PDPN: variants seen among roughly 807,000 people sequenced by gnomAD.
PDPN encodes the protein podoplanin, also known as PA2.26 antigen.
A neutral mutation model predicts 23.2 loss-of-function variants in PDPN; 12 were observed. That is an observed-to-expected ratio of 0.52 (90% CI 0.33 to 0.84). PDPN has a LOEUF of 0.84. Among genes scored for constraint, PDPN ranks in the 40% least tolerant of loss-of-function variants. The pLI is 0.02. For synonymous variants in PDPN, 77 were observed against 76.7 expected, an observed-to-expected ratio of 1.00 and a Z score of -0.02; for missense variants, 199 against 212.2, an observed-to-expected ratio of 0.94 and a Z score of 0.39.
intron 1 of PDPN, among the ~76,000 whole-genome samples, chr1:13,585,249 G>A (rs1640144085): frequency 6.6e-6 from 1 of 152,144 alleles, no homozygotes. Context: ...TGCAGGAGGG[G>A]TGCGCCTAAC....
chr1:13,595,622 A>G (rs12566684), intron 1 of PDPN, among the ~76,000 whole-genome samples: 9,427 of 152,204 alleles, frequency 0.062, 388 homozygotes, highest in East Asian at 0.23. Flanking sequence ...TTTCTCTTAC[A>G]TTTTACAGAA....
chr1:13,603,953 G>T (rs974557785), intron 1 of PDPN, among the ~76,000 whole-genome samples: 2 of 152,122 alleles, frequency 1.3e-5, no homozygotes, highest in African/African-American at 4.8e-5. Flanking sequence ...GTTTGCTGCC[G>T]CATTTGGAAA....
At chr1:13,615,695 G>C (rs563683581) in intron 5 of PDPN, among the ~76,000 whole-genome samples, 1 of 152,310 alleles carries the variant, frequency 6.6e-6, no homozygotes, top group African/African-American at 2.4e-5. Context: ...CAACACAGCT[G>C]TGGACTTAGC....
intron 1 of PDPN, among the ~76,000 whole-genome samples, chr1:13,600,151 G>A (rs1008588017): frequency 6.6e-5 from 10 of 152,178 alleles, no homozygotes; most frequent in South Asian, 2.1e-4. Flanking sequence ...TACCAGGAAC[G>A]TGATTTCTGG....
chr1:13,616,147 A>G lies in PDPN; in HGVS notation c.*236A>G, dbSNP rs1469520339. The G allele has an allele frequency of 3.5e-6, 2 of 566,642 alleles. No homozygotes were observed. The highest frequency in any genetic ancestry group is 6.7e-5 in the Admixed American group (2 of 29,766). 35.1% of individuals were successfully genotyped at this position (566,642 alleles called of 1,614,324 possible). On this transcript the variant is annotated 3_prime_UTR_variant, in exon 6 of 6. Coordinates refer to ENST00000621990, the MANE Select transcript of PDPN (RefSeq NM_006474.5). ...TGTTTTTGAATATACATTCTATAAA[A>G]GATTATTTGAAAGACAAAATTCATA...
At chr1:13,607,656 G>A (rs1197021513) in intron 2 of PDPN, among the ~76,000 whole-genome samples, 1 of 152,200 alleles carries the variant, frequency 6.6e-6, no homozygotes, top group Non-Finnish European at 1.5e-5. Context: ...TAGCTGGTGT[G>A]CTGATCACAG....
chr1:13,587,196 A>G (rs1284029282), intron 1 of PDPN, among the ~76,000 whole-genome samples: 1 of 152,242 alleles, frequency 6.6e-6, no homozygotes, highest in African/African-American at 2.4e-5. Flanking sequence ...TCTTTTAAGA[A>G]TGAAATTGTC....
At chr1:13,598,648 G>A (rs1041660869) in intron 1 of PDPN, among the ~76,000 whole-genome samples, 14 of 151,902 alleles carry the variant, frequency 9.2e-5, no homozygotes, top group African/African-American at 3.4e-4. Context: ...CCGAACCACC[G>A]CTCCACACCT....
chr1:13,615,120 T>C (rs1243338200), intron 5 of PDPN, among the ~76,000 whole-genome samples: 1 of 152,132 alleles, frequency 6.6e-6, no homozygotes, highest in African/African-American at 2.4e-5. Context: ...TGGGGTCTTT[T>C]TCATTGAGAT....
chr1:13,596,475 T>C (rs1200661275), intron 1 of PDPN, among the ~76,000 whole-genome samples: 2 of 152,112 alleles, frequency 1.3e-5, no homozygotes, highest in African/African-American at 4.8e-5. Flanking sequence ...CCAGACTCCA[T>C]GGAAGGGGTG....
chr1:13,586,981 G>A (rs999216028), intron 1 of PDPN, among the ~76,000 whole-genome samples: 1 of 152,192 alleles, frequency 6.6e-6, no homozygotes, highest in African/African-American at 2.4e-5. Flanking sequence ...AACTCGTGAG[G>A]CGGCAGTTGC....
At chr1:13,598,696 G>C (rs552237391) in intron 1 of PDPN, among the ~76,000 whole-genome samples, 94 of 152,074 alleles carry the variant, frequency 6.2e-4, no homozygotes, top group African/African-American at 2.2e-3. Flanking sequence ...CCCTCCACCT[G>C]GCCACACTGA....
chr1:13,614,207 A>G (rs1641007324), intron 4 of PDPN, 93 bp from the exon 5 acceptor site: 3 of 696,748 alleles, frequency 4.3e-6, no homozygotes, highest in African/African-American at 3.5e-5. Flanking sequence ...TGCTATGTGC[A>G]GTAGGGCAGT....
chr1:13,593,505 CCAAAGCACA>C (rs1355531532), intron 1 of PDPN, among the ~76,000 whole-genome samples: 1 of 152,148 alleles, frequency 6.6e-6, no homozygotes, highest in Non-Finnish European at 1.5e-5. Flanking sequence ...TAAAAATCTA[CCAAAGCACA>C]CTTCGAGGTC....
intron 1 of PDPN, among the ~76,000 whole-genome samples, chr1:13,602,729 ATT>A (rs916246016): frequency 6.8e-6 from 1 of 146,552 alleles, no homozygotes. Flanking sequence ...TGCCTGGCTA[ATT>A]TTTTTTTTTG....
At chr1:13,585,950 C>T (rs1047937846) in intron 1 of PDPN, among the ~76,000 whole-genome samples, 1 of 152,242 alleles carries the variant, frequency 6.6e-6, no homozygotes, top group South Asian at 2.1e-4. Flanking sequence ...GGTTTCCCTC[C>T]TCCAGGGTTA....
chr1:13,615,842 C>CA (rs1303728152), intron 5 of PDPN, 63 bp from the exon 6 acceptor site: 2 of 1,458,178 alleles, frequency 1.4e-6, no homozygotes, highest in Non-Finnish European at 1.9e-6. Flanking sequence ...AAAAAGGACT[C>CA]ACGGAGTTAC....
At chr1:13,596,034 C>T (rs1418840339) in intron 1 of PDPN, 1 of 373,554 alleles carries the variant, frequency 2.7e-6, no homozygotes, top group African/African-American at 2.1e-5. Context: ...CCCGTCTCTA[C>T]TAAAAATACA....
At chr1:13,608,847 G>A (rs1640862908) in intron 2 of PDPN, among the ~76,000 whole-genome samples, 1 of 152,108 alleles carries the variant, frequency 6.6e-6, no homozygotes, top group Admixed American at 6.5e-5. Flanking sequence ...TGGCTAACTT[G>A]AAAGACAGTT....
Sources: gnomAD v4.1 joint callset for allele counts (sites outside exome capture counted in the v4.1 genomes callset) on GRCh38, gnomAD v4.1.1 for gene constraint, MANE v1.5 for transcripts, NCBI Gene and HGNC (gene_info 2026-07-23, HGNC 2026-07-21) for gene names.